COX4I1: variants seen among roughly 807,000 people sequenced by gnomAD.
The protein encoded by COX4I1 is cytochrome c oxidase subunit 4I1.
COX4I1 carries 18 observed loss-of-function variants against 21.7 expected under a neutral mutation model. That is an observed-to-expected ratio of 0.83 (90% CI 0.57 to 1.23). The LOEUF is 1.23. COX4I1 is among the 50% of genes most tolerant of loss of function. COX4I1 has a pLI of 0.00. For missense variants in COX4I1, 238 were observed against 220.7 expected, an observed-to-expected ratio of 1.08 and a Z score of -0.50; for synonymous variants, 100 against 81.5, an observed-to-expected ratio of 1.23 and a Z score of -1.23.
intron 2 of COX4I1, among the ~76,000 whole-genome samples, chr16:85,802,389 G>T (rs1490244656): frequency 2.0e-5 from 3 of 152,206 alleles, no homozygotes; most frequent in Non-Finnish European, 2.9e-5. Flanking sequence ...GCCTCTTAGA[G>T]TGTAAGCCTT....
intron 1 of COX4I1, 42 bp from the exon 2 acceptor site, chr16:85,801,163 T>A (rs1169803146): frequency 1.3e-6 from 2 of 1,526,942 alleles, no homozygotes; most frequent in South Asian, 2.3e-5. Context: ...TCCTTGCTGT[T>A]TGTCCTTATT....
At position 85,804,949 on chromosome 16, in the gene COX4I1, A is replaced by G; in HGVS notation, c.86A>G (p.Lys29Arg). The change falls in exon 3 of 5, where the codon AAG (lysine) becomes AGG (arginine). Residue 29 changes from lysine to arginine, a missense_variant. Coordinates refer to ENST00000253452, the MANE Select transcript of COX4I1 (RefSeq NM_001861.6). ...ATATGTTTTTCAGAAAGTGTTGTGA[A>G]GAGCGAAGACTTTTCGCTCCCAGCT... ...VCVRAHESVV[K>R]SEDFSLPAYM... 1 of 1,607,056 alleles carries G rather than the reference A, an allele frequency of 6.2e-7. No homozygotes were observed. Among genetic ancestry groups the G allele is most frequent in the Non-Finnish European group, 8.5e-7 (1 of 1,177,470 alleles).
chr16:85,802,285 C>G (rs984996220), intron 2 of COX4I1, among the ~76,000 whole-genome samples: 26 of 152,224 alleles, frequency 1.7e-4, no homozygotes, highest in African/African-American at 5.8e-4. Context: ...ACCATCCTTT[C>G]TCAGGAAGCT....
At position 85,801,233 on chromosome 16, in the gene COX4I1, G is replaced by C. The variant is rs1389992958; in HGVS notation, c.28G>C (p.Val10Leu). The change falls in exon 2 of 5, where the codon GTT becomes CTT. Residue 10 changes from valine to leucine, a missense_variant. Transcript: ENST00000253452. ...GTTGGCTACCAGGGTATTTAGCCTA[G>C]TTGGCAAGCGAGCAATTTCCACCTC... The part of the protein sequence containing the change: MLATRVFSL[V>L]GKRAISTSVC... The C allele has an allele frequency of 6.2e-7, 1 of 1,610,156 alleles. No homozygotes were observed. The highest frequency in any genetic ancestry group is 1.7e-5 in the Admixed American group (1 of 59,994).
chr16:85,806,353 G>A (rs1906199431), intron 4 of COX4I1: 1 of 656,736 alleles, frequency 1.5e-6, no homozygotes, highest in African/African-American at 1.8e-5. Flanking sequence ...TTTCTGTCCA[G>A]GCAGAACAGG....
At chr16:85,804,806 G>A (rs1906040972) in intron 2 of COX4I1, 131 bp from the exon 3 acceptor site, 1 of 743,772 alleles carries the variant, frequency 1.3e-6, no homozygotes. Context: ...TTAAACAGTG[G>A]CTGTGACCCC....
chr16:85,801,504 C>T (rs894062647), intron 2 of COX4I1, among the ~76,000 whole-genome samples: 2 of 152,034 alleles, frequency 1.3e-5, no homozygotes, highest in African/African-American at 4.8e-5. Flanking sequence ...CCCCACTTAC[C>T]CTTCCCTTCC....
At position 85,806,851 on chromosome 16, in the gene COX4I1, G is replaced by A. The variant is rs779831701; in HGVS notation, c.487G>A (p.Glu163Lys). ...IQGLASKWDY[E>K]KNEWKK ...GGGCTTAGCCTCCAAGTGGGACTACGAAAAGAACGAGTGGAAGAAGTGAGA... is the reference window on the plus strand; with the variant it reads ...GGGCTTAGCCTCCAAGTGGGACTACAAAAAGAACGAGTGGAAGAAGTGAGA... Residue 163 changes from glutamate (E) to lysine (K), a missense_variant, in exon 5 of 5, where the codon GAA (glutamate) becomes AAA (lysine). Glu to Lys is a moderately conservative substitution (Grantham distance 56). Transcript: ENST00000253452. The A allele has an allele frequency of 2.7e-5, 44 of 1,613,808 alleles. No homozygotes were observed. The highest frequency in any genetic ancestry group is 6.7e-5 in the East Asian group (3 of 44,900).
At chr16:85,806,156 G>A (rs1906182701) in intron 4 of COX4I1, 2 of 585,406 alleles carry the variant, frequency 3.4e-6, no homozygotes, top group Admixed American at 6.2e-5. Flanking sequence ...GTGCTCACCA[G>A]TCACTTAGCG....
At chr16:85,801,299 T>C in intron 2 of COX4I1, 21 bp downstream of exon 2, 1 of 1,597,406 alleles carries the variant, frequency 6.3e-7, no homozygotes, top group Non-Finnish European at 8.6e-7. Flanking sequence ...CTTTTCTTAC[T>C]TTTAAATAGG....
chr16:85,805,971 G>T, intron 4 of COX4I1, 107 bp downstream of exon 4: 3 of 1,460,992 alleles, frequency 2.1e-6, no homozygotes, highest in Non-Finnish European at 2.8e-6. Flanking sequence ...ATGAGATAGG[G>T]ACTGCATTCC....
chr16:85,806,401 T>C (rs956323804), intron 4 of COX4I1: 7 of 667,808 alleles, frequency 1.0e-5, no homozygotes, highest in Admixed American at 6.7e-5. Context: ...CTCGTACTTT[T>C]GGTTTGAATG....
chr16:85,800,340 G>C (rs761867275), intron 1 of COX4I1, among the ~76,000 whole-genome samples: 16 of 152,238 alleles, frequency 1.1e-4, no homozygotes, highest in Non-Finnish European at 1.6e-4. Context: ...TGATGGGCCT[G>C]AATAGAGGAG....
At chr16:85,801,051 C>A in intron 1 of COX4I1, 154 bp from the exon 2 acceptor site, 1 of 576,582 alleles carries the variant, frequency 1.7e-6, no homozygotes, top group Non-Finnish European at 3.2e-6. Flanking sequence ...CATCCTAGGT[C>A]ATTTTGTGAA....
Position 85,802,637 on chromosome 16 carries a change from G to C in COX4I1, c.73+1359G>C, listed in dbSNP as rs553470190. ...TTGTGTGGTGATGCACCTGAGTAAG[G>C]GGTGCCCAGATATACCAGATCTCCC... On this transcript the variant is annotated intron_variant, in intron 2 of 4. Coordinates refer to ENST00000253452, the MANE Select transcript of COX4I1 (RefSeq NM_001861.6). Among the ~76,000 whole-genome samples, 152 of 152,358 alleles carry C rather than the reference G, an allele frequency of 1.0e-3. 1 individual carries two copies. Among genetic ancestry groups the C allele is most frequent in the African/African-American group, 3.2e-3 (135 of 41,590 alleles).
intron 2 of COX4I1, chr16:85,804,038 A>C (rs1228314882): frequency 6.6e-6 from 1 of 152,260 alleles, no homozygotes; most frequent in Admixed American, 6.5e-5. Flanking sequence ...TGATGATCCC[A>C]GATCTCTAGA....
chr16:85,805,083 T>C lies in COX4I1; in HGVS notation c.220T>C (p.Ser74Pro). 6.2e-7 allele frequency: 1 copy of C among 1,612,740 alleles called. No homozygotes were observed. Among genetic ancestry groups the C allele is most frequent in the Non-Finnish European group, 8.5e-7 (1 of 1,179,584 alleles). ...EKEKASWSSL[S>P]MDEKVELYRI... is the part of the protein sequence containing the mutation. ...GGAGAAGGCCTCCTGGAGCAGCCTC[T>C]CCATGGATGAGAAAGTCGAGTGTGG... The change falls in exon 3 of 5, where the codon TCC becomes CCC. Residue 74 changes from serine to proline, a missense_variant. Coordinates refer to ENST00000253452, the MANE Select transcript of COX4I1 (RefSeq NM_001861.6).
rs759508701 is a variant in COX4I1, at chr16:85,804,996, C to T, written c.133C>T (p.Pro45Ser). The T allele has an allele frequency of 6.2e-7, 1 of 1,614,140 alleles. No individual in the cohort carries two copies. The highest frequency in any genetic ancestry group is 8.5e-7 in the Non-Finnish European group (1 of 1,180,010). ...AGCTTATATGGATCGGCGTGACCAC[C>T]CCTTGCCGGAGGTGGCCCATGTCAA... ...LPAYMDRRDH[P>S]LPEVAHVKHL... The change falls in exon 3 of 5, where the codon CCC becomes TCC. Residue 45 changes from proline (P) to serine (S), a missense_variant. Pro to Ser is a moderately conservative substitution (Grantham distance 74, BLOSUM62 -1). Transcript: ENST00000253452.
intron 2 of COX4I1, 92 bp downstream of exon 2, chr16:85,801,370 C>T: frequency 9.2e-7 from 1 of 1,083,050 alleles, no homozygotes; most frequent in Non-Finnish European, 1.4e-6. Flanking sequence ...TTTTAAAGAC[C>T]TTAATTCGGC....
Sources: allele counts gnomAD v4.1 joint callset (sites outside exome capture counted in the v4.1 genomes callset), GRCh38; gene constraint gnomAD v4.1.1; transcripts MANE v1.5; gene names NCBI Gene and HGNC (gene_info 2026-07-23, HGNC 2026-07-21).